The following TCF4 variants were observed in gnomAD, a reference collection of about 807,000 sequenced individuals.
TCF4 encodes transcription factor 4.
In TCF4, 3 loss-of-function variants were observed where a neutral mutation model predicts 82.1. The ratio of observed to expected loss-of-function variants is 0.04; its 90% CI spans 0.02 to 0.09. TCF4 has a LOEUF of 0.09. Ranked by LOEUF, TCF4 falls within the 10% of genes least tolerant of loss-of-function variation. The pLI is 1.00. For synonymous variants in TCF4, 276 were observed against 309.6 expected, an observed-to-expected ratio of 0.89 and a Z score of 1.14; for missense variants, 518 against 852.7, an observed-to-expected ratio of 0.61 and a Z score of 4.89.
intron 3 of TCF4, among the ~76,000 whole-genome samples, chr18:55,577,846 G>A (rs749099922): frequency 6.6e-6 from 1 of 151,798 alleles, no homozygotes; most frequent in Non-Finnish European, 1.5e-5. Context: ...TTTTCCCAAG[G>A]AGCAGAAAGT....
chr18:55,610,320 C>T (rs182850836), intron 2 of TCF4, among the ~76,000 whole-genome samples: 1 of 152,198 alleles, frequency 6.6e-6, no homozygotes, highest in Non-Finnish European at 1.5e-5. Context: ...TTTCCCTATG[C>T]CTTACTCCTG....
At position 55,227,258 on chromosome 18, in the gene TCF4, A is replaced by G. The variant is rs963557784; in HGVS notation, c.*777T>C. The G allele has an allele frequency of 6.6e-6, 1 of 152,134 alleles. No individual in the cohort carries two copies. The highest frequency in any genetic ancestry group is 1.5e-5 in the Non-Finnish European group (1 of 67,960). The allele number at this position is 152,134 out of a possible 1,614,324, so 9.4% of individuals were successfully genotyped here. ...GGACAGAAATAAGACCAAAAAAAAA[A>G]AAATCCATATTTACAGTAAAATCTT... is the stretch of plus-strand genomic sequence containing the variant. On this transcript the variant is annotated 3_prime_UTR_variant, in exon 20 of 20. Transcript: ENST00000354452.
intron 2 of TCF4, among the ~76,000 whole-genome samples, chr18:55,599,627 A>G (rs1249364528): frequency 6.6e-6 from 1 of 152,222 alleles, no homozygotes; most frequent in Non-Finnish European, 1.5e-5. Flanking sequence ...AGTCTAAGGC[A>G]GGAGAATCAC....
intron 5 of TCF4, among the ~76,000 whole-genome samples, chr18:55,451,892 G>A (rs1244140639): frequency 2.6e-5 from 4 of 152,176 alleles, no homozygotes; most frequent in Non-Finnish European, 4.4e-5. Context: ...TGTAATCCCA[G>A]AACTTTGGGA....
chr18:55,580,751 TG>T (rs2147772724), intron 3 of TCF4, among the ~76,000 whole-genome samples: 1 of 141,022 alleles, frequency 7.1e-6, no homozygotes, highest in Admixed American at 7.1e-5. Flanking sequence ...GATGTGTGTG[TG>T]TGTGTGTGTG....
chr18:55,455,616 G>A lies in TCF4; in HGVS notation c.304+5403C>T, dbSNP rs1386906958. Among the ~76,000 whole-genome samples, 4 of 150,968 alleles carry A rather than the reference G, an allele frequency of 2.6e-5. No individual in the cohort carries two copies. The East Asian group carries it at 7.8e-4, about 29-fold the overall frequency. ...CCTGCTTGTATCACTACCTAATTTC[G>A]CTGCATTTAAAAAGTGAACTAAAAT... On this transcript the variant is annotated intron_variant, in intron 5 of 19. Transcript: ENST00000354452.
intron 3 of TCF4, among the ~76,000 whole-genome samples, chr18:55,466,400 G>T (rs571961202): frequency 1.3e-5 from 2 of 152,178 alleles, no homozygotes; most frequent in South Asian, 4.2e-4. Flanking sequence ...GAGGGGCCGA[G>T]GCAGGAAGAT....
intron 2 of TCF4, among the ~76,000 whole-genome samples, chr18:55,610,400 T>G (rs2097705963): frequency 6.6e-6 from 1 of 152,208 alleles, no homozygotes; most frequent in African/African-American, 2.4e-5. Flanking sequence ...CTCCTTTGTC[T>G]TTGGAGGATG....
In TCF4 at chr18:55,234,696, G is replaced by C; in HGVS notation, c.1351-13C>G. 1.9e-6 allele frequency: 3 copies of C among 1,614,054 alleles called. No individual in the cohort carries two copies. Among genetic ancestry groups the C allele is most frequent in the Non-Finnish European group, 2.5e-6 (3 of 1,180,012 alleles). On this transcript the variant is annotated splice_polypyrimidine_tract_variant and intron_variant, in intron 15 of 19. Coordinates refer to ENST00000354452, the MANE Select transcript of TCF4 (RefSeq NM_001083962.2). ...GATGGGTCCCCACCTGAAAGGGCGA[G>C]AGGAACCAGAGAGGTGAGCAGGAAC...
At chr18:55,627,264 C>A (rs1482866686) in intron 2 of TCF4, among the ~76,000 whole-genome samples, 1 of 152,092 alleles carries the variant, frequency 6.6e-6, no homozygotes, top group East Asian at 1.9e-4. Context: ...ACATATTGAG[C>A]ATTGACTGAG....
intron 2 of TCF4, among the ~76,000 whole-genome samples, chr18:55,617,772 T>A (rs935239249): frequency 1.3e-5 from 2 of 151,752 alleles, no homozygotes; most frequent in Non-Finnish European, 2.9e-5. Context: ...TTAATGCTGC[T>A]TTTGTATCCT....
intron 8 of TCF4, 85 bp from the exon 9 acceptor site, chr18:55,279,741 A>G: frequency 6.3e-7 from 1 of 1,591,504 alleles, no homozygotes; most frequent in Non-Finnish European, 8.6e-7. Flanking sequence ...AGTAGGCAGA[A>G]AGTGCTACAT....
intron 8 of TCF4, among the ~76,000 whole-genome samples, chr18:55,298,424 C>T (rs143042872): frequency 6.6e-6 from 1 of 152,276 alleles, no homozygotes; most frequent in African/African-American, 2.4e-5. Flanking sequence ...AGTGACCCAC[C>T]ATGTTCGAAG....
chr18:55,256,107 C>A (rs1295166929), intron 14 of TCF4, among the ~76,000 whole-genome samples: 1 of 152,118 alleles, frequency 6.6e-6, no homozygotes, highest in East Asian at 1.9e-4. Context: ...TACATACTTA[C>A]TTCTGAGTGT....
At position 55,418,962 on chromosome 18, in the gene TCF4, A is replaced by G. The variant is rs947709545; in HGVS notation, c.305-15444T>C. The stretch of plus-strand genomic sequence containing the variant: ...TATAAAATGTAGCCACATACACCTC[A>G]GCACCAACAGAGTGCATTGGGCCAT... On this transcript the variant is annotated intron_variant, in intron 5 of 19. Transcript: ENST00000354452. Among the ~76,000 whole-genome samples the G allele has an allele frequency of 2.0e-5, 3 of 152,180 alleles. No homozygotes were observed. The East Asian group carries it at 5.8e-4, about 29-fold the overall frequency.
chr18:55,609,687 T>G (rs1049695519), intron 2 of TCF4, among the ~76,000 whole-genome samples: 3 of 152,172 alleles, frequency 2.0e-5, no homozygotes, highest in Admixed American at 6.5e-5. Context: ...TGAACTTGGC[T>G]CACTCATTCT....
chr18:55,585,872 C>G, intron 2 of TCF4: 1 of 1,191,628 alleles, frequency 8.4e-7, no homozygotes, highest in Non-Finnish European at 1.1e-6. Context: ...CTCTCTCTCT[C>G]TCTCACTCTC....
intron 8 of TCF4, among the ~76,000 whole-genome samples, chr18:55,294,163 G>A (rs1346339618): frequency 6.6e-6 from 1 of 151,298 alleles, no homozygotes; most frequent in Non-Finnish European, 1.5e-5. Context: ...GGGGGGCTGA[G>A]GCATGAGAAT....
At position 55,424,070 on chromosome 18, in the gene TCF4, C is replaced by T. The variant is rs991376547; in HGVS notation, c.305-20552G>A. Among the ~76,000 whole-genome samples, 56 of 152,252 alleles carry T rather than the reference C, an allele frequency of 3.7e-4. 1 individual carries two copies. The highest frequency in any genetic ancestry group is 1.3e-3 in the African/African-American group (54 of 41,542). ...TACGCTCATTAATTTTTAAGGGTGA[C>T]TGCTTGGCTGCGGCACCCCAACTGT... On this transcript the variant is annotated intron_variant, in intron 5 of 19. Coordinates refer to ENST00000354452, the MANE Select transcript of TCF4 (RefSeq NM_001083962.2).
Sources: gnomAD v4.1 joint callset for allele counts (sites outside exome capture counted in the v4.1 genomes callset) on GRCh38, gnomAD v4.1.1 for gene constraint, MANE v1.5 for transcripts, NCBI Gene and HGNC (gene_info 2026-07-23, HGNC 2026-07-21) for gene names.